POU6F2: variants seen among roughly 807,000 people sequenced by gnomAD.
POU6F2 encodes the protein POU class 6 homeobox 2, also known as POU domain, class 6, transcription factor 2.
POU6F2 carries 31 observed loss-of-function variants against 71.3 expected under a neutral mutation model. That is an observed-to-expected ratio of 0.43 (90% CI 0.33 to 0.59). The LOEUF (loss-of-function observed/expected upper bound fraction) is 0.59, where lower values mean the gene tolerates loss of function less well. POU6F2 is among the 20% of genes least tolerant of loss of function. POU6F2 has a pLI of 0.04. For synonymous variants in POU6F2, 347 were observed against 355.7 expected (o/e 0.98, Z 0.27); for missense variants, 783 against 856.8 (o/e 0.91, Z 1.07).
chr7:39,197,469 T>G (rs762860421), intron 2 of POU6F2, among the ~76,000 whole-genome samples: 7 of 152,192 alleles, frequency 4.6e-5, no homozygotes, highest in Non-Finnish European at 1.0e-4. Flanking sequence ...TTTAACCCCA[T>G]TGGCACAGGG....
At chr7:39,054,378 C>A (rs145334393) in intron 1 of POU6F2, among the ~76,000 whole-genome samples, 8 of 152,000 alleles carry the variant, frequency 5.3e-5, no homozygotes, top group African/African-American at 1.9e-4. Flanking sequence ...ATAGATAAGA[C>A]GAATAAGCCA....
At chr7:38,987,362 A>C (rs1458293744) in intron 1 of POU6F2, among the ~76,000 whole-genome samples, 1 of 152,158 alleles carries the variant, frequency 6.6e-6, no homozygotes, top group Non-Finnish European at 1.5e-5. Context: ...CAAGCCACCA[A>C]ACTCAACTGA....
intron 2 of POU6F2, among the ~76,000 whole-genome samples, chr7:39,160,198 C>T (rs1458277624): frequency 6.6e-6 from 1 of 152,194 alleles, no homozygotes; most frequent in Non-Finnish European, 1.5e-5. Flanking sequence ...TGAACACTTA[C>T]TGAATGCTAG....
intron 1 of POU6F2, among the ~76,000 whole-genome samples, chr7:39,050,537 C>T (rs531286075): frequency 2.0e-5 from 3 of 152,252 alleles, no homozygotes; most frequent in Non-Finnish European, 2.9e-5. Context: ...ATGACTGTCT[C>T]ATTTCCCATA....
chr7:39,128,591 G>A (rs1241546230), intron 2 of POU6F2, among the ~76,000 whole-genome samples: 1 of 152,206 alleles, frequency 6.6e-6, no homozygotes, highest in East Asian at 1.9e-4. Context: ...CAGAATTCTA[G>A]TCTACTGTCA....
intron 1 of POU6F2, among the ~76,000 whole-genome samples, chr7:39,017,718 G>A (rs913741291): frequency 6.6e-6 from 1 of 151,760 alleles, no homozygotes; most frequent in African/African-American, 2.4e-5. Context: ...CATCTCAGAG[G>A]CTTTGAATTT....
At chr7:39,052,914 T>C (rs1790425505) in intron 1 of POU6F2, among the ~76,000 whole-genome samples, 1 of 152,138 alleles carries the variant, frequency 6.6e-6, no homozygotes, top group Non-Finnish European at 1.5e-5. Context: ...TCTAAGGTTT[T>C]CTGTTCTTTC....
chr7:39,324,929 G>A (rs550779306), intron 4 of POU6F2, among the ~76,000 whole-genome samples: 20 of 152,240 alleles, frequency 1.3e-4, no homozygotes, highest in South Asian at 4.1e-4. Context: ...AAATGAATGC[G>A]TGAATTGAAT....
intron 1 of POU6F2, among the ~76,000 whole-genome samples, chr7:39,012,883 C>G (rs1172289479): frequency 6.6e-6 from 1 of 152,182 alleles, no homozygotes; most frequent in Non-Finnish European, 1.5e-5. Flanking sequence ...TCTGCCGGTT[C>G]TCAGATCTCC....
chr7:39,079,080 G>A lies in POU6F2; in HGVS notation c.106-6780G>A, dbSNP rs537578602. Among the ~76,000 whole-genome samples the A allele has an allele frequency of 2.6e-5, 4 of 151,684 alleles. No homozygotes were observed. The East Asian group carries it at 7.7e-4, about 29-fold the overall frequency. On this transcript the variant is annotated intron_variant, in intron 1 of 9. Transcript: ENST00000518318. ...AGTTAGATACCTTAATGTGGGAAGCGGTATTGTAGAAAATAGTCTATTTGT... is the reference window on the plus strand; with the variant it reads ...AGTTAGATACCTTAATGTGGGAAGCAGTATTGTAGAAAATAGTCTATTTGT...
At chr7:39,259,632 CCT>C (rs1334710603) in intron 4 of POU6F2, among the ~76,000 whole-genome samples, 3 of 152,120 alleles carry the variant, frequency 2.0e-5, no homozygotes, top group African/African-American at 7.2e-5. Context: ...GGAGCCTGGG[CCT>C]GTGCATTCCT....
intron 4 of POU6F2, among the ~76,000 whole-genome samples, chr7:39,339,376 C>A (rs568980459): frequency 1.2e-4 from 19 of 152,334 alleles, no homozygotes; most frequent in African/African-American, 4.3e-4. Context: ...TCCTACCACA[C>A]ACCTTTGGCT....
At chr7:39,267,787 A>G (rs1784276546) in intron 4 of POU6F2, among the ~76,000 whole-genome samples, 1 of 152,148 alleles carries the variant, frequency 6.6e-6, no homozygotes, top group African/African-American at 2.4e-5. Context: ...CTGAAGTTTA[A>G]CTGAGCACAC....
chr7:39,204,825 T>C lies in POU6F2; in HGVS notation c.369+499T>C, dbSNP rs372716924. On this transcript the variant is annotated intron_variant, in intron 3 of 9. Coordinates refer to ENST00000518318, the MANE Select transcript of POU6F2 (RefSeq NM_001370959.1). ...AATAAAGAAATACAATCATTATTTT[T>C]TAAAGTCCAATATTTGTTTTTTGCA... 9.1e-4 allele frequency among the ~76,000 whole-genome samples: 139 copies of C among 152,290 alleles called. 2 individuals carry two copies. The South Asian group carries it at 0.022, about 24-fold the overall frequency.
At chr7:39,171,016 CTTTTTT>C (rs760022218) in intron 2 of POU6F2, among the ~76,000 whole-genome samples, 1 of 94,556 alleles carries the variant, frequency 1.1e-5, no homozygotes, top group African/African-American at 4.1e-5. Flanking sequence ...TCACATATAT[CTTTTTT>C]TTTTTTTTTT....
At chr7:39,167,028 C>A (rs1562730734) in intron 2 of POU6F2, among the ~76,000 whole-genome samples, 1 of 152,152 alleles carries the variant, frequency 6.6e-6, no homozygotes, top group Non-Finnish European at 1.5e-5. Context: ...CATCTTTCCT[C>A]ACACCTCACA....
At chr7:39,365,838 A>G (rs935514336) in intron 5 of POU6F2, among the ~76,000 whole-genome samples, 1 of 152,184 alleles carries the variant, frequency 6.6e-6, no homozygotes, top group Admixed American at 6.5e-5. Flanking sequence ...TGTGTGGGTA[A>G]AATGTCCTAG....
intron 4 of POU6F2, among the ~76,000 whole-genome samples, chr7:39,292,371 TG>T: frequency 6.6e-6 from 1 of 152,324 alleles, no homozygotes; most frequent in Admixed American, 6.5e-5. Flanking sequence ...GCCATCATTA[TG>T]GGAAAGAAAG....
intron 7 of POU6F2, among the ~76,000 whole-genome samples, chr7:39,445,480 C>T (rs1359621686): frequency 6.6e-6 from 1 of 152,188 alleles, no homozygotes; most frequent in Non-Finnish European, 1.5e-5. Context: ...GGCCTAGAAC[C>T]TCTTCCCACC....
Sources: gnomAD v4.1 joint callset for allele counts (sites outside exome capture counted in the v4.1 genomes callset) on GRCh38, gnomAD v4.1.1 for gene constraint, MANE v1.5 for transcripts, NCBI Gene and HGNC (gene_info 2026-07-23, HGNC 2026-07-21) for gene names.